OPHN1: variants seen among roughly 807,000 people sequenced by gnomAD.
OPHN1 encodes the protein oligophrenin 1, also known as oligophrenin-1.
OPHN1 carries 11 observed loss-of-function variants against 60.7 expected under a neutral mutation model. The ratio of observed to expected loss-of-function variants is 0.18; its 90% CI spans 0.11 to 0.30. The LOEUF (loss-of-function observed/expected upper bound fraction) is 0.30, where lower values mean the gene tolerates loss of function less well. Among genes scored for constraint, OPHN1 ranks in the 10% least tolerant of loss-of-function variants. The pLI, the probability that OPHN1 is intolerant of heterozygous loss-of-function variation, is 1.00. For synonymous variants in OPHN1, 226 were observed against 222.6 expected (o/e 1.02, Z -0.14); for missense variants, 449 against 611.0 (o/e 0.73, Z 2.80).
intron 3 of OPHN1, among the ~76,000 whole-genome samples, chrX:68,290,699 C>T (rs1339188370): frequency 2.7e-5 from 3 of 109,535 alleles, no homozygotes; most frequent in African/African-American, 1.0e-4. Flanking sequence ...ATCAAATGAG[C>T]CTGGGAGGTC....
At chrX:68,190,858 C>G (rs1203553704) in intron 15 of OPHN1, among the ~76,000 whole-genome samples, 3 of 111,888 alleles carry the variant, frequency 2.7e-5, no homozygotes, top group Admixed American at 9.5e-5. Context: ...AGATGGGTTG[C>G]AAATTGACCA....
At chrX:68,335,971 C>T (rs1038476672) in intron 2 of OPHN1, among the ~76,000 whole-genome samples, 4 of 110,028 alleles carry the variant, frequency 3.6e-5, no homozygotes, top group Admixed American at 9.8e-5. Context: ...TTTAAACTAC[C>T]GTTGCCTAGG....
rs373187258 is a variant in OPHN1 at position 68,078,984 on chromosome X, A to AAAATAAATAAATAAAT, written c.1687-5701_1687-5686dup. On this transcript the variant is annotated intron_variant, in intron 19 of 24. Transcript: ENST00000355520. ...CTGGACAACAGAGCAAGACTGTCTC[A>AAAATAAATAAATAAAT]AAATAAATAAATAAATAAATAAATA... Among the ~76,000 whole-genome samples, 6 of 102,034 alleles carry AAAATAAATAAATAAAT rather than the reference A, an allele frequency of 5.9e-5. No individual in the cohort carries two copies. In the East Asian group the frequency reaches 1.0e-3, roughly 17 times the overall value. 88.6% of individuals were successfully genotyped at this position (102,034 alleles called of 115,157 possible). A position where few individuals can be genotyped will look rare whatever the true frequency, so the allele number is the denominator to read the frequency against.
intron 5 of OPHN1, among the ~76,000 whole-genome samples, chrX:68,245,393 CAT>C (rs1265239665): frequency 8.9e-6 from 1 of 112,022 alleles, no homozygotes; most frequent in Non-Finnish European, 1.9e-5. Flanking sequence ...GCTTTTTGTT[CAT>C]ATGATTTCCT....
chrX:68,071,373 T>G (rs2147368938), intron 20 of OPHN1: 3 of 714,863 alleles, frequency 4.2e-6, no homozygotes, highest in Non-Finnish European at 6.8e-6. Context: ...CCCAGAGTTT[T>G]CCCTTCCCTT....
chrX:68,075,455 C>T (rs1321740479), intron 19 of OPHN1, among the ~76,000 whole-genome samples: 5 of 111,732 alleles, frequency 4.5e-5, no homozygotes, highest in Non-Finnish European at 9.4e-5. Flanking sequence ...AACCCAAATA[C>T]CAGTAAGCTT....
At chrX:68,195,919 C>T (rs1052122667) in intron 12 of OPHN1, among the ~76,000 whole-genome samples, 6 of 111,890 alleles carry the variant, frequency 5.4e-5, no homozygotes, top group African/African-American at 1.6e-4. Context: ...TCCTTTGATT[C>T]TTGAAAACCT....
intron 15 of OPHN1, among the ~76,000 whole-genome samples, chrX:68,135,686 G>A (rs1021400942): frequency 3.6e-5 from 4 of 112,261 alleles, no homozygotes; most frequent in African/African-American, 1.3e-4. Context: ...AGTAAAACTG[G>A]TGGAGATGAC....
At chrX:68,350,554 A>T (rs1164117826) in intron 2 of OPHN1, among the ~76,000 whole-genome samples, 1 of 82,644 alleles carries the variant, frequency 1.2e-5, no homozygotes, top group African/African-American at 5.2e-5. Context: ...CTTCTTTCCG[A>T]CAGAGACTTG....
chrX:68,225,162 C>T (rs1329553684), intron 6 of OPHN1, among the ~76,000 whole-genome samples: 2 of 111,812 alleles, frequency 1.8e-5, no homozygotes, highest in African/African-American at 3.2e-5. Context: ...AAGGCAGCAG[C>T]GAGGCTGGGG....
chrX:68,274,794 C>T lies in OPHN1; in HGVS notation c.328G>A (p.Asp110Asn). ...ERMMMVHNASDLLIKPLENFR... is the reference protein window; with the variant it reads ...ERMMMVHNASNLLIKPLENFR... Reference sequence around the variant, plus strand: ...TTTTCCAAGGGTTTAATCAGCAAATCACTAGCATTGTGTACCTAGACAAAA... The same window carrying T: ...TTTTCCAAGGGTTTAATCAGCAAATTACTAGCATTGTGTACCTAGACAAAA... The change falls in exon 5 of 25, where the codon GAT becomes AAT. Residue 110 changes from aspartate (D) to asparagine (N), a missense_variant. Transcript: ENST00000355520. 1 of 1,201,591 alleles carries T rather than the reference C, an allele frequency of 8.3e-7. No homozygotes were observed. Among genetic ancestry groups the T allele is most frequent in the Non-Finnish European group, 1.1e-6 (1 of 887,069 alleles).
At chrX:68,361,466 C>A (rs983063336) in intron 2 of OPHN1, among the ~76,000 whole-genome samples, 2 of 98,737 alleles carry the variant, frequency 2.0e-5, no homozygotes, top group Admixed American at 1.1e-4. Flanking sequence ...GGTGACAGAA[C>A]AAGACTCCAT....
intron 2 of OPHN1, among the ~76,000 whole-genome samples, chrX:68,337,320 G>C (rs1055473886): frequency 1.8e-5 from 2 of 110,729 alleles, no homozygotes; most frequent in East Asian, 5.7e-4. Flanking sequence ...CGTATTGTTC[G>C]ATTTTTAAAT....
chrX:68,133,944 G>A (rs1255857798), intron 15 of OPHN1, among the ~76,000 whole-genome samples: 2 of 111,002 alleles, frequency 1.8e-5, no homozygotes, highest in African/African-American at 3.3e-5. Flanking sequence ...AGAGGCGGAC[G>A]TGCTTGGATC....
intron 2 of OPHN1, among the ~76,000 whole-genome samples, chrX:68,414,466 C>T (rs139761338): frequency 0.044 from 4,952 of 111,815 alleles, 101 homozygotes; most frequent in Non-Finnish European, 0.062. Context: ...TATCCAAACA[C>T]CAATTAAGTT....
chrX:68,230,819 T>A (rs1348809449), intron 6 of OPHN1, among the ~76,000 whole-genome samples: 1 of 106,915 alleles, frequency 9.4e-6, no homozygotes, highest in Non-Finnish European at 1.9e-5. Context: ...ATGTAAATGA[T>A]GAGTTAATGG....
chrX:68,084,875 A>C (rs1446017099), intron 19 of OPHN1, among the ~76,000 whole-genome samples: 1 of 112,026 alleles, frequency 8.9e-6, no homozygotes, highest in African/African-American at 3.2e-5. Flanking sequence ...TCTTTAAGTG[A>C]GAAAAGTCTA....
At chrX:68,130,612 C>T (rs1211520021) in intron 15 of OPHN1, among the ~76,000 whole-genome samples, 6 of 111,148 alleles carry the variant, frequency 5.4e-5, no homozygotes, top group Non-Finnish European at 9.4e-5. Flanking sequence ...ACAATGGTGA[C>T]TATGTAAATC....
chrX:68,138,653 C>A (rs1184145328), intron 15 of OPHN1, among the ~76,000 whole-genome samples: 2 of 112,308 alleles, frequency 1.8e-5, no homozygotes, highest in Non-Finnish European at 3.8e-5. Context: ...AGTTAATGTA[C>A]ACTGAATACC....
Sources: allele counts gnomAD v4.1 joint callset (sites outside exome capture counted in the v4.1 genomes callset), GRCh38; gene constraint gnomAD v4.1.1; transcripts MANE v1.5; gene names NCBI Gene and HGNC (gene_info 2026-07-23, HGNC 2026-07-21).